SLC24A3: variants seen among roughly 807,000 people sequenced by gnomAD.
SLC24A3 encodes solute carrier family 24 member 3.
SLC24A3 carries 28 observed loss-of-function variants against 75.8 expected under a neutral mutation model. That is an observed-to-expected ratio of 0.37 (90% confidence interval 0.27 to 0.51). SLC24A3 has a LOEUF of 0.51. SLC24A3 is among the 20% of genes least tolerant of loss of function. The pLI is 0.94. For missense variants in SLC24A3, 663 were observed against 847.8 expected (o/e 0.78, Z 2.71); for synonymous variants, 372 against 334.1 (o/e 1.11, Z -1.24).
At chr20:19,522,978 A>G (rs950159303) in intron 3 of SLC24A3, among the ~76,000 whole-genome samples, 1 of 152,134 alleles carries the variant, frequency 6.6e-6, no homozygotes, top group Non-Finnish European at 1.5e-5. Context: ...TATTAACTAT[A>G]AAAAAGGAAA....
intron 2 of SLC24A3, among the ~76,000 whole-genome samples, chr20:19,372,764 A>G (rs904953573): frequency 7.9e-5 from 12 of 151,910 alleles, no homozygotes; most frequent in African/African-American, 1.7e-4. Flanking sequence ...AAAACAGAAA[A>G]CACAGGAAAA....
chr20:19,334,217 A>G (rs1408556298), intron 2 of SLC24A3, among the ~76,000 whole-genome samples: 5 of 152,198 alleles, frequency 3.3e-5, no homozygotes, highest in Non-Finnish European at 7.3e-5. Context: ...GACTGTGGGA[A>G]TAGCTTTCAG....
intron 2 of SLC24A3, among the ~76,000 whole-genome samples, chr20:19,320,048 C>T (rs1287078966): frequency 6.6e-6 from 1 of 152,176 alleles, no homozygotes; most frequent in African/African-American, 2.4e-5. Flanking sequence ...ATCCATACAG[C>T]TTGCTCACCT....
At chr20:19,369,800 C>T (rs1985960269) in intron 2 of SLC24A3, among the ~76,000 whole-genome samples, 1 of 152,164 alleles carries the variant, frequency 6.6e-6, no homozygotes, top group South Asian at 2.1e-4. Context: ...CTCAAAGGAA[C>T]TGTCCAGAAT....
intron 2 of SLC24A3, among the ~76,000 whole-genome samples, chr20:19,338,856 C>T (rs143420935): frequency 2.1e-4 from 32 of 152,252 alleles, no homozygotes; most frequent in African/African-American, 7.0e-4. Context: ...GTTATTAGCA[C>T]GATTATTTTT....
At chr20:19,369,906 A>C (rs1985962794) in intron 2 of SLC24A3, among the ~76,000 whole-genome samples, 2 of 152,136 alleles carry the variant, frequency 1.3e-5, no homozygotes. Flanking sequence ...GGGCTCAAGC[A>C]GTCCTCCCAC....
At chr20:19,585,608 T>G in intron 6 of SLC24A3, 64 bp downstream of exon 6, 7 of 1,491,832 alleles carry the variant, frequency 4.7e-6, no homozygotes, top group Non-Finnish European at 6.5e-6. Flanking sequence ...GGCATGGAGT[T>G]TAGGCAGGAG....
intron 2 of SLC24A3, among the ~76,000 whole-genome samples, chr20:19,470,758 A>G (rs1048282080): frequency 1.3e-5 from 2 of 152,196 alleles, no homozygotes; most frequent in African/African-American, 4.8e-5. Flanking sequence ...TCACACACGT[A>G]TGCATGTTAG....
chr20:19,484,679 T>C (rs1173454446), intron 2 of SLC24A3, among the ~76,000 whole-genome samples: 1 of 152,098 alleles, frequency 6.6e-6, no homozygotes, highest in African/African-American at 2.4e-5. Flanking sequence ...ATTGTCAGGG[T>C]CCGGGGGGAG....
chr20:19,303,475 C>T (rs939273893), intron 2 of SLC24A3, among the ~76,000 whole-genome samples: 31 of 152,096 alleles, frequency 2.0e-4, no homozygotes, highest in South Asian at 4.1e-4. Context: ...TGAACATATG[C>T]GTGCCTGTAT....
intron 6 of SLC24A3, among the ~76,000 whole-genome samples, chr20:19,641,101 C>T (rs2032071072): frequency 6.6e-6 from 1 of 152,156 alleles, no homozygotes; most frequent in African/African-American, 2.4e-5. Flanking sequence ...ACTTTTAGTG[C>T]CACACCATAA....
chr20:19,584,127 GA>G (rs2031260637), intron 4 of SLC24A3, among the ~76,000 whole-genome samples: 1 of 152,226 alleles, frequency 6.6e-6, no homozygotes, highest in African/African-American at 2.4e-5. Flanking sequence ...ACTGAATGCA[GA>G]AATGCAAAAT....
intron 3 of SLC24A3, among the ~76,000 whole-genome samples, chr20:19,569,371 T>C (rs1445392256): frequency 3.3e-5 from 5 of 152,224 alleles, no homozygotes; most frequent in Non-Finnish European, 7.3e-5. Context: ...GGTGTCTTCA[T>C]GTTGAGTTAG....
intron 3 of SLC24A3, among the ~76,000 whole-genome samples, chr20:19,555,809 G>C (rs898586086): frequency 1.3e-5 from 2 of 152,120 alleles, no homozygotes; most frequent in African/African-American, 2.4e-5. Flanking sequence ...ACCACACCAA[G>C]GGTTTCAAAA....
intron 1 of SLC24A3, among the ~76,000 whole-genome samples, chr20:19,230,261 A>G (rs1057251888): frequency 3.3e-5 from 5 of 152,238 alleles, no homozygotes; most frequent in Admixed American, 6.5e-5. Context: ...CTTATGCTGA[A>G]GGGGTGGTTG....
intron 7 of SLC24A3, 114 bp downstream of exon 7, chr20:19,654,250 C>A: frequency 1.1e-6 from 1 of 876,656 alleles, no homozygotes; most frequent in Non-Finnish European, 1.8e-6. Context: ...GTGCGAGATG[C>A]ATGTCTTTGC....
At chr20:19,279,307 G>A (rs13038837) in intron 1 of SLC24A3, among the ~76,000 whole-genome samples, 42,829 of 152,046 alleles carry the variant, frequency 0.28, 6,510 homozygotes, top group Middle Eastern at 0.45. Context: ...TTCCGCCCGC[G>A]GCAACTTTGG....
Position 19,503,179 on chromosome 20 carries a change from T to C in SLC24A3, c.272-12309T>C, listed in dbSNP as rs572435851. On this transcript the variant is annotated intron_variant, in intron 2 of 16. Transcript: ENST00000328041. ...AGATACCTCTCATGTCATCAGTTTC[T>C]GTTCTTAATCTGTAACCCAAAATCC... Among the ~76,000 whole-genome samples, 8 of 152,292 alleles carry C rather than the reference T, an allele frequency of 5.3e-5. No individual in the cohort carries two copies. In the East Asian group the frequency reaches 1.5e-3, roughly 29 times the overall value.
intron 2 of SLC24A3, among the ~76,000 whole-genome samples, chr20:19,484,879 A>G (rs572583561): frequency 1.3e-5 from 2 of 152,334 alleles, no homozygotes; most frequent in East Asian, 3.9e-4. Flanking sequence ...ATTAAAACTA[A>G]CTTTAAAAAT....
Sources: allele counts gnomAD v4.1 joint callset (sites outside exome capture counted in the v4.1 genomes callset), GRCh38; gene constraint gnomAD v4.1.1; transcripts MANE v1.5; gene names NCBI Gene and HGNC (gene_info 2026-07-23, HGNC 2026-07-21).